RAB30: variants seen among roughly 807,000 people sequenced by gnomAD.
RAB30 encodes the protein ras-related protein Rab-30.
Under a neutral mutation model 25.1 loss-of-function variants are expected in RAB30, and 9 were observed. That is an observed-to-expected ratio of 0.36 (90% CI 0.22 to 0.63). RAB30 has a LOEUF of 0.63. Ranked by LOEUF, RAB30 falls within the 20% of genes least tolerant of loss-of-function variation. The pLI is 0.69. For synonymous variants in RAB30, 77 were observed against 86.4 expected, an observed-to-expected ratio of 0.89 and a Z score of 0.60; for missense variants, 140 against 243.5, an observed-to-expected ratio of 0.58 and a Z score of 2.83.
intron 1 of RAB30, among the ~76,000 whole-genome samples, chr11:83,010,765 A>C (rs748018131): frequency 2.4e-4 from 36 of 152,314 alleles, no homozygotes; most frequent in Non-Finnish European, 3.5e-4. Context: ...TAGGGAAATA[A>C]CTGAACGAAC....
At position 82,975,603 on chromosome 11, in the gene RAB30, T is replaced by C. The variant is rs1318588693; in HGVS notation, c.*6562A>G. On this transcript the variant is annotated 3_prime_UTR_variant, in exon 5 of 5. Transcript: ENST00000527633. The stretch of plus-strand genomic sequence containing the variant: ...AGATCACAAAACCGAGATTCATGCC[T>C]CCATTTTTACCAAGGGGAGGAAACA... The C allele has an allele frequency of 6.6e-6, 1 of 152,124 alleles. No homozygotes were observed. Among genetic ancestry groups the C allele is most frequent in the Non-Finnish European group, 1.5e-5 (1 of 68,002 alleles). 9.4% of individuals were successfully genotyped at this position (152,124 alleles called of 1,614,324 possible). A position where few individuals can be genotyped will look rare whatever the true frequency, so the allele number is the denominator to read the frequency against.
rs1856536503 is a variant in RAB30 at position 82,975,790 on chromosome 11, G to C, written c.*6375C>G. ...GCTAAGAGTAATAAATACCTATCCT[G>C]ACATTCACTAAGTAAATAATGACTA... is the stretch of plus-strand genomic sequence containing the variant. On this transcript the variant is annotated 3_prime_UTR_variant, in exon 5 of 5. Coordinates refer to ENST00000527633, the MANE Select transcript of RAB30 (RefSeq NM_001286060.2). 1 of 152,060 alleles carries C rather than the reference G, an allele frequency of 6.6e-6. No homozygotes were observed. Among genetic ancestry groups the C allele is most frequent in the Non-Finnish European group, 1.5e-5 (1 of 67,998 alleles). 9.4% of individuals were successfully genotyped at this position (152,060 alleles called of 1,614,324 possible).
At chr11:83,037,924 T>G (rs1858021478) in intron 1 of RAB30, among the ~76,000 whole-genome samples, 1 of 152,048 alleles carries the variant, frequency 6.6e-6, no homozygotes, top group Non-Finnish European at 1.5e-5. Context: ...GGGACCAACG[T>G]GCGGAAGACA....
At chr11:83,015,365 A>G (rs1408792662) in intron 1 of RAB30, among the ~76,000 whole-genome samples, 3 of 152,138 alleles carry the variant, frequency 2.0e-5, no homozygotes, top group Admixed American at 6.5e-5. Flanking sequence ...AAAGGATTGG[A>G]AAGAGGATGG....
At chr11:83,030,734 T>G (rs1590864498) in intron 1 of RAB30, among the ~76,000 whole-genome samples, 1 of 150,996 alleles carries the variant, frequency 6.6e-6, no homozygotes, top group Admixed American at 6.6e-5. Flanking sequence ...GAGGCAGAGG[T>G]TGCAGTGAGC....
Position 82,973,742 on chromosome 11 carries a change from G to T in RAB30, c.*8423C>A, listed in dbSNP as rs1255409341. ...TAAATAAACATAAATGATTTGATTT[G>T]ATTTGTCAGACTAATTGTTTTTAAG... On this transcript the variant is annotated 3_prime_UTR_variant, in exon 5 of 5. Transcript: ENST00000527633. The T allele has an allele frequency of 6.6e-6, 1 of 152,114 alleles. No individual in the cohort carries two copies. The highest frequency in any genetic ancestry group is 1.5e-5 in the Non-Finnish European group (1 of 68,004). 9.4% of individuals were successfully genotyped at this position (152,114 alleles called of 1,614,324 possible). A position where few individuals can be genotyped will look rare whatever the true frequency, so the allele number is the denominator to read the frequency against.
intron 1 of RAB30, among the ~76,000 whole-genome samples, chr11:83,069,155 G>A (rs1858773944): frequency 1.3e-5 from 2 of 152,340 alleles, no homozygotes; most frequent in East Asian, 1.9e-4. Context: ...TAAGGTCCCA[G>A]AGACAGCAGT....
At chr11:83,028,982 C>A (rs1198299927) in intron 1 of RAB30, among the ~76,000 whole-genome samples, 2 of 152,150 alleles carry the variant, frequency 1.3e-5, no homozygotes, top group Non-Finnish European at 2.9e-5. Context: ...TGTTTCACTT[C>A]ACTGCACTCC....
intron 1 of RAB30, among the ~76,000 whole-genome samples, chr11:83,020,316 T>C (rs1171006820): frequency 6.6e-6 from 1 of 152,210 alleles, no homozygotes; most frequent in African/African-American, 2.4e-5. Context: ...CCTGCTCTAA[T>C]CTCAGAGCAG....
At chr11:83,055,757 A>G (rs927687573) in intron 1 of RAB30, among the ~76,000 whole-genome samples, 7 of 152,230 alleles carry the variant, frequency 4.6e-5, no homozygotes, top group African/African-American at 1.7e-4. Context: ...AAGGGCTTGA[A>G]GGGGTGAGTT....
At chr11:83,047,066 C>A (rs1285749452) in intron 1 of RAB30, among the ~76,000 whole-genome samples, 1 of 152,204 alleles carries the variant, frequency 6.6e-6, no homozygotes, top group Non-Finnish European at 1.5e-5. Flanking sequence ...AACTCAACTA[C>A]AATTTGCTAA....
rs763313798 is a variant in RAB30, at chr11:83,014,678, G to GAAAGAA, written c.-8-17360_-8-17355dup. ...AGAAAGAAAGAAAGAAAGAAAGAAA[G>GAAAGAA]AAAGAAAGAAAGAAAGAGAAAGGAA... is the stretch of plus-strand genomic sequence containing the variant. On this transcript the variant is annotated intron_variant, in intron 1 of 4. Transcript: ENST00000527633. Among the ~76,000 whole-genome samples the GAAAGAA allele has an allele frequency of 3.4e-3, 478 of 142,010 alleles. 3 individuals are homozygous for GAAAGAA. The highest frequency in any genetic ancestry group is 5.4e-3 in the Non-Finnish European group (357 of 65,958). 93.2% of individuals were successfully genotyped at this position (142,010 alleles called of 152,430 possible).
rs1856511418 is a variant in RAB30, at chr11:82,974,652, G to A, written c.*7513C>T. On this transcript the variant is annotated 3_prime_UTR_variant, in exon 5 of 5. Coordinates refer to ENST00000527633, the MANE Select transcript of RAB30 (RefSeq NM_001286060.2). ...AACTCAGTGATTAACCTGTTTATTA[G>A]TTAAAACTATGTATGTATTAATATT... 6.6e-6 allele frequency: 1 copy of A among 152,038 alleles called. No homozygotes were observed. The highest frequency in any genetic ancestry group is 2.1e-4 in the South Asian group (1 of 4,830). 9.4% of individuals were successfully genotyped at this position (152,038 alleles called of 1,614,324 possible). A position where few individuals can be genotyped will look rare whatever the true frequency, so the allele number is the denominator to read the frequency against.
intron 1 of RAB30, among the ~76,000 whole-genome samples, chr11:83,043,928 G>T (rs994988445): frequency 1.3e-5 from 2 of 152,120 alleles, no homozygotes; most frequent in African/African-American, 2.4e-5. Flanking sequence ...GATATAAAGT[G>T]CAGTAAACCA....
At chr11:83,065,332 G>C (rs943722325) in intron 1 of RAB30, among the ~76,000 whole-genome samples, 1 of 152,174 alleles carries the variant, frequency 6.6e-6, no homozygotes, top group African/African-American at 2.4e-5. Context: ...AGAGGTTGCA[G>C]TGAGCTGTGA....
At chr11:83,049,066 G>T (rs1858295477) in intron 1 of RAB30, among the ~76,000 whole-genome samples, 2 of 152,206 alleles carry the variant, frequency 1.3e-5, no homozygotes, top group Non-Finnish European at 2.9e-5. Flanking sequence ...AGATAAGTCT[G>T]ATATCGCCTT....
intron 1 of RAB30, among the ~76,000 whole-genome samples, chr11:83,015,184 G>A (rs1857409025): frequency 6.6e-6 from 1 of 152,136 alleles, no homozygotes; most frequent in Non-Finnish European, 1.5e-5. Context: ...CTCTATAATG[G>A]AGGGTATGAT....
chr11:83,061,940 T>C (rs1030972625), intron 1 of RAB30, among the ~76,000 whole-genome samples: 1 of 152,182 alleles, frequency 6.6e-6, no homozygotes, highest in East Asian at 1.9e-4. Context: ...TGGCACCCAG[T>C]AGATGCTATG....
chr11:83,037,255 G>A (rs1051150244), intron 1 of RAB30, among the ~76,000 whole-genome samples: 9 of 151,848 alleles, frequency 5.9e-5, no homozygotes, highest in East Asian at 1.9e-4. Context: ...AAAGACAAAC[G>A]AATTTTTTTT....
Sources: gnomAD v4.1 joint callset for allele counts (sites outside exome capture counted in the v4.1 genomes callset) on GRCh38, gnomAD v4.1.1 for gene constraint, MANE v1.5 for transcripts, NCBI Gene and HGNC (gene_info 2026-07-23, HGNC 2026-07-21) for gene names.